ATRN: variants seen among roughly 807,000 people sequenced by gnomAD.
ATRN encodes attractin.
In ATRN, 54 loss-of-function variants were observed where a neutral mutation model predicts 178.7. That is an observed-to-expected ratio of 0.30 (90% CI 0.24 to 0.38). The LOEUF (loss-of-function observed/expected upper bound fraction) is 0.38. Ranked by LOEUF, ATRN falls within the 10% of genes least tolerant of loss-of-function variation. The probability of loss-of-function intolerance (pLI) is 1.00; values close to 1 mark genes in which losing one functional copy is unlikely to be tolerated. For synonymous variants in ATRN, 636 were observed against 663.0 expected, an observed-to-expected ratio of 0.96 and a Z score of 0.63; for missense variants, 1,443 against 1,815.1, an observed-to-expected ratio of 0.79 and a Z score of 3.73.
At chr20:3,611,520 C>T (rs150198936) in intron 24 of ATRN, among the ~76,000 whole-genome samples, 128 of 152,254 alleles carry the variant, frequency 8.4e-4, no homozygotes, top group African/African-American at 3.0e-3. Context: ...AGGCAGATCA[C>T]CACTTGAGGT....
intron 1 of ATRN, among the ~76,000 whole-genome samples, chr20:3,511,176 TCAACTC>T (rs2085121941): frequency 6.6e-6 from 1 of 152,164 alleles, no homozygotes; most frequent in African/African-American, 2.4e-5. Context: ...ATCTAAGTTT[TCAACTC>T]CAAGTAGAAA....
intron 1 of ATRN, among the ~76,000 whole-genome samples, chr20:3,525,298 G>C (rs1482235728): frequency 1.3e-5 from 2 of 152,138 alleles, no homozygotes; most frequent in Non-Finnish European, 2.9e-5. Context: ...AGAAAATCTA[G>C]AAGAAATGGA....
chr20:3,599,880 G>A (rs761702122), intron 22 of ATRN, among the ~76,000 whole-genome samples: 4 of 152,150 alleles, frequency 2.6e-5, no homozygotes, highest in African/African-American at 7.2e-5. Flanking sequence ...GAAGGTAAAT[G>A]CTTTGTGAGA....
chr20:3,520,722 C>G (rs201137321), intron 1 of ATRN, among the ~76,000 whole-genome samples: 1 of 152,144 alleles, frequency 6.6e-6, no homozygotes, highest in Non-Finnish European at 1.5e-5. Flanking sequence ...GTCTCGAACT[C>G]CTGGCCTCAA....
intron 1 of ATRN, among the ~76,000 whole-genome samples, chr20:3,507,406 CAAA>C (rs375138925): frequency 1.1e-5 from 1 of 87,512 alleles, no homozygotes; most frequent in Non-Finnish European, 2.3e-5. Context: ...AACTCCGTCT[CAAA>C]AAAAAAAAAA....
At chr20:3,604,062 C>T in intron 23 of ATRN, 43 bp from the exon 24 acceptor site, 2 of 1,524,638 alleles carry the variant, frequency 1.3e-6, no homozygotes, top group East Asian at 2.3e-5. Flanking sequence ...CCCCCTAGCC[C>T]CCCAAAAAAT....
intron 11 of ATRN, among the ~76,000 whole-genome samples, chr20:3,569,770 A>T (rs2086091432): frequency 6.6e-6 from 1 of 152,156 alleles, no homozygotes. Flanking sequence ...CTATGCAGTT[A>T]TTACACTTTT....
At chr20:3,501,760 C>T (rs938060107) in intron 1 of ATRN, among the ~76,000 whole-genome samples, 10 of 152,178 alleles carry the variant, frequency 6.6e-5, no homozygotes, top group South Asian at 4.2e-4. Context: ...TTGAGATGTG[C>T]GGCTAAGAGA....
In ATRN at chr20:3,572,843, C is replaced by T. The variant is rs779103251; in HGVS notation, c.1984C>T (p.Pro662Ser). The change falls in exon 12 of 29, where the codon CCT becomes TCT. Residue 662 changes from proline (P) to serine (S), a missense_variant. Pro to Ser is a moderately conservative substitution (Grantham distance 74). Coordinates refer to ENST00000262919, the MANE Select transcript of ATRN (RefSeq NM_139321.3). ...TGAAGCCGCTTGTTTAGCAGCAGGACCTGGTATTCGGTGTGTGTGGAACAC... is the reference window on the plus strand; with the variant it reads ...TGAAGCCGCTTGTTTAGCAGCAGGATCTGGTATTCGGTGTGTGTGGAACAC... ...RSEAACLAAG[P>S]GIRCVWNTGS... 24 of 1,613,310 alleles carry T rather than the reference C, an allele frequency of 1.5e-5. No individual in the cohort carries two copies. In the South Asian group the frequency reaches 2.6e-4, roughly 18 times the overall value.
intron 6 of ATRN, among the ~76,000 whole-genome samples, chr20:3,551,999 C>T (rs2085794098): frequency 6.6e-6 from 1 of 152,134 alleles, no homozygotes; most frequent in South Asian, 2.1e-4. Flanking sequence ...TTTTTATTTT[C>T]CATTCTTAGT....
chr20:3,643,754 G>C (rs1452711557), intron 27 of ATRN, among the ~76,000 whole-genome samples: 1 of 152,216 alleles, frequency 6.6e-6, no homozygotes, highest in Non-Finnish European at 1.5e-5. Flanking sequence ...ATCTGCATCT[G>C]TGTTTGAGCC....
At chr20:3,501,301 T>C (rs530955732) in intron 1 of ATRN, among the ~76,000 whole-genome samples, 4 of 152,326 alleles carry the variant, frequency 2.6e-5, no homozygotes, top group Admixed American at 1.3e-4. Flanking sequence ...ATTTTTTCTT[T>C]ATTGAAAATG....
Position 3,563,210 on chromosome 20 carries a change from A to T in ATRN, c.1633A>T (p.Thr545Ser). The change falls in exon 10 of 29, where the codon ACC becomes TCC. Residue 545 changes from threonine (T) to serine (S), a missense_variant and splice_region_variant. Physicochemically the swap from Thr to Ser is moderately conservative, Grantham distance 58. This residue lies in a region of ATRN where 862 missense variants were observed against 972.1 expected (regional missense o/e 0.89). Transcript: ENST00000262919. Reference sequence around the variant, plus strand: ...ATTATTTCTAAATAAACTCAAAAGGACCATTCTTAAGGACAGCCGATTTTT... The same window carrying T: ...ATTATTTCTAAATAAACTCAAAAGGTCCATTCTTAAGGACAGCCGATTTTT... ...YRYDVDTQMW[T>S]ILKDSRFFRY... The T allele has an allele frequency of 6.2e-7, 1 of 1,609,140 alleles. No homozygotes were observed. Among genetic ancestry groups the T allele is most frequent in the Non-Finnish European group, 8.5e-7 (1 of 1,177,138 alleles).
chr20:3,585,603 G>A (rs962074430), intron 18 of ATRN, among the ~76,000 whole-genome samples: 2 of 152,202 alleles, frequency 1.3e-5, no homozygotes, highest in South Asian at 4.2e-4. Context: ...ACTTTTTAAC[G>A]AAATATTTAA....
rs372801657 is a variant in ATRN at position 3,644,280 on chromosome 20, C to T, written c.4165+12C>T. 4.7e-5 allele frequency: 74 copies of T among 1,587,568 alleles called. No homozygotes were observed. Among genetic ancestry groups the T allele is most frequent in the Middle Eastern group, 1.7e-4 (1 of 6,014 alleles). On this transcript the variant is annotated intron_variant, in intron 28 of 28. Coordinates refer to ENST00000262919, the MANE Select transcript of ATRN (RefSeq NM_139321.3). Reference sequence around the variant, plus strand: ...TCCTGGGCAGTCAGGTGAGTAGATGCGGTCCAGCGAAAGACACCTTCTAAG... The same window carrying T: ...TCCTGGGCAGTCAGGTGAGTAGATGTGGTCCAGCGAAAGACACCTTCTAAG...
intron 1 of ATRN, among the ~76,000 whole-genome samples, chr20:3,473,791 C>T (rs1277957171): frequency 4.6e-5 from 7 of 152,232 alleles, no homozygotes; most frequent in Middle Eastern, 3.4e-3. Flanking sequence ...AGAGTAGGTA[C>T]ACTCACTTTG....
At chr20:3,494,908 T>G (rs1016994826) in intron 1 of ATRN, among the ~76,000 whole-genome samples, 1 of 152,146 alleles carries the variant, frequency 6.6e-6, no homozygotes, top group African/African-American at 2.4e-5. Flanking sequence ...ATTGAGTCTT[T>G]CAAGGTTGAT....
At chr20:3,541,288 A>G (rs1174418110) in intron 3 of ATRN, among the ~76,000 whole-genome samples, 6 of 152,094 alleles carry the variant, frequency 3.9e-5, no homozygotes, top group Admixed American at 3.3e-4. Flanking sequence ...CGTGTTAGCC[A>G]GGATGGTCTC....
intron 1 of ATRN, among the ~76,000 whole-genome samples, chr20:3,508,366 G>A (rs1008805610): frequency 6.6e-6 from 1 of 152,122 alleles, no homozygotes. Context: ...TAAAGGGCCA[G>A]GTAGTATATA....
Sources: allele counts gnomAD v4.1 joint callset (sites outside exome capture counted in the v4.1 genomes callset), GRCh38; gene constraint gnomAD v4.1.1; regional missense constraint gnomAD v4.1.1; transcripts MANE v1.5; gene names NCBI Gene and HGNC (gene_info 2026-07-23, HGNC 2026-07-21).